The following TBC1D16 variants were observed in gnomAD, a reference collection of about 807,000 sequenced individuals.
TBC1D16 encodes the protein CTD-2529O21.1.
In TBC1D16, 58 loss-of-function variants were observed where a neutral mutation model predicts 74.7. The ratio of observed to expected loss-of-function variants is 0.78; its 90% CI spans 0.63 to 0.97. The LOEUF (loss-of-function observed/expected upper bound fraction) is 0.97. Among genes scored for constraint, TBC1D16 ranks in the 50% least tolerant of loss-of-function variants. The pLI, the probability that TBC1D16 is intolerant of heterozygous loss-of-function variation, is 0.00. For missense variants in TBC1D16, 1,014 were observed against 1,079.5 expected, an observed-to-expected ratio of 0.94 and a Z score of 0.85; for synonymous variants, 493 against 474.7, an observed-to-expected ratio of 1.04 and a Z score of -0.50.
intron 1 of TBC1D16, among the ~76,000 whole-genome samples, chr17:80,018,228 T>G (rs1386243966): frequency 7.3e-6 from 1 of 137,586 alleles, no homozygotes; most frequent in Non-Finnish European, 1.5e-5. Flanking sequence ...TAGCATAATA[T>G]ATCCAAAATA....
At position 79,997,351 on chromosome 17, in the gene TBC1D16, C is replaced by CT. The variant is rs371287804; in HGVS notation, c.779+12808dup. 5.8e-3 allele frequency among the ~76,000 whole-genome samples: 835 copies of CT among 142,984 alleles called. 3 individuals carry two copies. Among genetic ancestry groups the CT allele is most frequent in the African/African-American group, 9.4e-3 (371 of 39,264 alleles). The allele number at this position is 142,984 out of a possible 152,430, so 93.8% of individuals were successfully genotyped here. On this transcript the variant is annotated intron_variant, in intron 3 of 11. Coordinates refer to ENST00000310924, the MANE Select transcript of TBC1D16 (RefSeq NM_019020.4). ...GAAGGGTGTATAGGGCCTCCCGGTA[C>CT]TTTTTTTTTTTTTGCAACTTCCTGT...
At chr17:79,952,583 G>A in intron 4 of TBC1D16, 74 bp downstream of exon 4, 5 of 1,522,556 alleles carry the variant, frequency 3.3e-6, no homozygotes, top group African/African-American at 1.4e-5. Context: ...GCACTGCACC[G>A]GCTGCAAAGC....
At chr17:79,960,532 G>C (rs1197965568) in intron 3 of TBC1D16, among the ~76,000 whole-genome samples, 1 of 151,940 alleles carries the variant, frequency 6.6e-6, no homozygotes, top group East Asian at 1.9e-4. Context: ...GAGGCGGGTG[G>C]GTCACCTGAG....
rs2034102229 is a variant in TBC1D16 at position 79,971,481 on chromosome 17, C to T, written c.780-18663G>A. Among the ~76,000 whole-genome samples, 2 of 152,308 alleles carry T rather than the reference C, an allele frequency of 1.3e-5. No homozygotes were observed. The highest frequency in any genetic ancestry group is 4.1e-4 in the South Asian group (2 of 4,820). On this transcript the variant is annotated intron_variant, in intron 3 of 11. Transcript: ENST00000310924. The surrounding 1 kb of genome is among the most constrained non-coding windows in gnomAD (Gnocchi z 4.6). ...TGGAAGCCCTGTCCCCCAGGTCATC[C>T]TGGTCAGCAGTTGAGTGACTCTTCT...
rs559371942 is a variant in TBC1D16 at position 79,987,327 on chromosome 17, G to A, written c.779+22833C>T. On this transcript the variant is annotated intron_variant, in intron 3 of 11. Transcript: ENST00000310924. The surrounding 1 kb of genome is among the most constrained non-coding windows in gnomAD (Gnocchi z 5.2). Reference sequence around the variant, plus strand: ...GACATCACAGCTCACTGCAACCTCCGCTTCCACCTCTTGGGCTCAAGCGAT... The same window carrying A: ...GACATCACAGCTCACTGCAACCTCCACTTCCACCTCTTGGGCTCAAGCGAT... Among the ~76,000 whole-genome samples the A allele has an allele frequency of 2.6e-5, 4 of 151,982 alleles. No homozygotes were observed. The highest frequency in any genetic ancestry group is 6.5e-5 in the Admixed American group (1 of 15,270).
chr17:79,975,181 G>A lies in TBC1D16; in HGVS notation c.780-22363C>T, dbSNP rs946712734. 2.0e-5 allele frequency among the ~76,000 whole-genome samples: 3 copies of A among 152,230 alleles called. No individual in the cohort carries two copies. The highest frequency in any genetic ancestry group is 4.4e-5 in the Non-Finnish European group (3 of 68,042). The stretch of plus-strand genomic sequence containing the variant: ...AGGGCTTTGGATTTTTGGACAGCGA[G>A]TTCTGTTTCATTTTGTTTTGTTTTT... On this transcript the variant is annotated intron_variant, in intron 3 of 11. Coordinates refer to ENST00000310924, the MANE Select transcript of TBC1D16 (RefSeq NM_019020.4). This position sits in a 1 kb window ranked among gnomAD's most constrained non-coding sequence, Gnocchi z 4.5.
chr17:79,932,748 T>G lies in TBC1D16; in HGVS notation c.*8111A>C, dbSNP rs944077021. ...GTGACTTGCATGTGCCCCTCTTTGT[T>G]GAGGGGGTTTTGAAGCAGCTTCTGC... On this transcript the variant is annotated 3_prime_UTR_variant, in exon 12 of 12. Coordinates refer to ENST00000310924, the MANE Select transcript of TBC1D16 (RefSeq NM_019020.4). 3.9e-5 allele frequency: 6 copies of G among 152,216 alleles called. No individual in the cohort carries two copies. Among genetic ancestry groups the G allele is most frequent in the African/African-American group, 9.6e-5 (4 of 41,460 alleles). 9.4% of individuals were successfully genotyped at this position (152,216 alleles called of 1,614,324 possible).
rs1466706759 is a variant in TBC1D16 at position 79,985,408 on chromosome 17, C to T, written c.779+24752G>A. Among the ~76,000 whole-genome samples the T allele has an allele frequency of 2.6e-5, 4 of 152,226 alleles. No homozygotes were observed. Among genetic ancestry groups the T allele is most frequent in the East Asian group, 1.9e-4 (1 of 5,204 alleles). ...GGGAAGGGAGTCACTATCCAGGCCACGGCAGACACAGTTCCCCGAAACTGA... is the reference window on the plus strand; with the variant it reads ...GGGAAGGGAGTCACTATCCAGGCCATGGCAGACACAGTTCCCCGAAACTGA... On this transcript the variant is annotated intron_variant, in intron 3 of 11. Coordinates refer to ENST00000310924, the MANE Select transcript of TBC1D16 (RefSeq NM_019020.4). The surrounding 1 kb of genome is among the most constrained non-coding windows in gnomAD (Gnocchi z 4.9).
rs949338104 is a variant in TBC1D16 at position 79,981,322 on chromosome 17, T to C, written c.780-28504A>G. On this transcript the variant is annotated intron_variant, in intron 3 of 11. Transcript: ENST00000310924. The surrounding 1 kb of genome is among the most constrained non-coding windows in gnomAD (Gnocchi z 6.9). ...CCGACAGAAAATTCTTAGAGCAAAA[T>C]GGCTGTTCACCAGCGGCGGGTATGT... Among the ~76,000 whole-genome samples, 1 of 152,130 alleles carries C rather than the reference T, an allele frequency of 6.6e-6. No homozygotes were observed. The highest frequency in any genetic ancestry group is 1.9e-4 in the East Asian group (1 of 5,178).
chr17:80,022,705 T>G (rs2036327551), intron 1 of TBC1D16, among the ~76,000 whole-genome samples: 1 of 148,804 alleles, frequency 6.7e-6, no homozygotes, highest in African/African-American at 2.6e-5. Flanking sequence ...GGCACAATCT[T>G]GGCTCACTGC....
At position 79,938,536 on chromosome 17, in the gene TBC1D16, C is replaced by T. The variant is rs1357348141; in HGVS notation, c.*2323G>A. The T allele has an allele frequency of 6.6e-6, 1 of 152,274 alleles. No homozygotes were observed. Among genetic ancestry groups the T allele is most frequent in the Non-Finnish European group, 1.5e-5 (1 of 68,108 alleles). The allele number at this position is 152,274 out of a possible 1,614,324, so 9.4% of individuals were successfully genotyped here. ...TCCCAAACACAGCGGTTCAAAGGCA[C>T]GAGGTATCTAGTGAAATGCTAGGAC... On this transcript the variant is annotated 3_prime_UTR_variant, in exon 12 of 12. Coordinates refer to ENST00000310924, the MANE Select transcript of TBC1D16 (RefSeq NM_019020.4).
chr17:79,941,917 GC>G lies in TBC1D16; in HGVS notation c.2055+142del, dbSNP rs999447223. ...CCCCCAGTGCTATGGGTGGGGGAGGGCACGTGCTGGGGGGCCATGGTGGGGA... is the reference window on the plus strand; with the variant it reads ...CCCCCAGTGCTATGGGTGGGGGAGGGACGTGCTGGGGGGCCATGGTGGGGA... On this transcript the variant is annotated intron_variant, in intron 11 of 11. Coordinates refer to ENST00000310924, the MANE Select transcript of TBC1D16 (RefSeq NM_019020.4). This position sits in a 1 kb window ranked among gnomAD's most constrained non-coding sequence, Gnocchi z 4.3. 51 of 714,350 alleles carry G rather than the reference GC, an allele frequency of 7.1e-5. No homozygotes were observed. The highest frequency in any genetic ancestry group is 1.1e-4 in the Non-Finnish European group (47 of 429,232). The allele number at this position is 714,350 out of a possible 1,614,324, so 44.3% of individuals were successfully genotyped here. A position where few individuals can be genotyped will look rare whatever the true frequency, so the allele number is the denominator to read the frequency against.
rs978026012 is a variant in TBC1D16, at chr17:79,950,063, G to GC, written c.1258-199dup. Among the ~76,000 whole-genome samples, 6 of 152,152 alleles carry GC rather than the reference G, an allele frequency of 3.9e-5. No homozygotes were observed. Among genetic ancestry groups the GC allele is most frequent in the South Asian group, 2.1e-4 (1 of 4,822 alleles). On this transcript the variant is annotated intron_variant, in intron 6 of 11. Coordinates refer to ENST00000310924, the MANE Select transcript of TBC1D16 (RefSeq NM_019020.4). The surrounding 1 kb of genome is among the most constrained non-coding windows in gnomAD (Gnocchi z 4.6). Reference sequence around the variant, plus strand: ...AAACCCGGCTCATTTCAATGTCAATGCCCCCCCTGGGGTGGCGCTCAGATT... The same window carrying GC: ...AAACCCGGCTCATTTCAATGTCAATGCCCCCCCCTGGGGTGGCGCTCAGATT...
At position 79,961,913 on chromosome 17, in the gene TBC1D16, C is replaced by A. The variant is rs2033631636; in HGVS notation, c.780-9095G>T. Among the ~76,000 whole-genome samples the A allele has an allele frequency of 6.6e-6, 1 of 151,946 alleles. No homozygotes were observed. Among genetic ancestry groups the A allele is most frequent in the African/African-American group, 2.4e-5 (1 of 41,410 alleles). On this transcript the variant is annotated intron_variant, in intron 3 of 11. Transcript: ENST00000310924. The surrounding 1 kb of genome is among the most constrained non-coding windows in gnomAD (Gnocchi z 4.8). Reference sequence around the variant, plus strand: ...AAATAAAATAGATAAGAACTGAAAACAACCCAGGGTTTATCAACAGCCAAT... The same window carrying A: ...AAATAAAATAGATAAGAACTGAAAAAAACCCAGGGTTTATCAACAGCCAAT...
chr17:79,945,893 C>T (rs1359789348), intron 9 of TBC1D16, among the ~76,000 whole-genome samples: 1 of 152,368 alleles, frequency 6.6e-6, no homozygotes, highest in African/African-American at 2.4e-5. Context: ...CTCGGGGCCA[C>T]ATGCCCCCTT....
At position 79,936,925 on chromosome 17, in the gene TBC1D16, T is replaced by TGTGTGTGC. The variant is rs2031651012; in HGVS notation, c.*3933_*3934insGCACACAC. 6.5e-6 allele frequency: 1 copy of TGTGTGTGC among 152,674 alleles called. No homozygotes were observed. The highest frequency in any genetic ancestry group is 2.4e-5 in the African/African-American group (1 of 41,100). 9.5% of individuals were successfully genotyped at this position (152,674 alleles called of 1,614,324 possible). A position where few individuals can be genotyped will look rare whatever the true frequency, so the allele number is the denominator to read the frequency against. ...GTGCATGTGCGTGTGTGTGTGTGTG[T>TGTGTGTGC]GTGTGTGTGTGTGTGCGCATTTTCC... On this transcript the variant is annotated 3_prime_UTR_variant, in exon 12 of 12. Transcript: ENST00000310924.
At chr17:79,996,450 C>G (rs1241947883) in intron 3 of TBC1D16, among the ~76,000 whole-genome samples, 2 of 152,138 alleles carry the variant, frequency 1.3e-5, no homozygotes, top group African/African-American at 4.8e-5. Flanking sequence ...ACACACCCAT[C>G]AGGATGCTTA....
chr17:79,953,159 G>A (rs534647842), intron 3 of TBC1D16, among the ~76,000 whole-genome samples: 37 of 152,244 alleles, frequency 2.4e-4, no homozygotes, highest in African/African-American at 7.5e-4. Flanking sequence ...CTCAGCCTTC[G>A]TTTTCCCATG....
intron 3 of TBC1D16, among the ~76,000 whole-genome samples, chr17:79,970,486 A>G: frequency 6.6e-6 from 1 of 152,222 alleles, no homozygotes. Flanking sequence ...TACATCTCCC[A>G]CCAAAGGGTC....
Sources: gnomAD v4.1 joint callset for allele counts (sites outside exome capture counted in the v4.1 genomes callset) on GRCh38, gnomAD v4.1.1 for gene constraint, Gnocchi (gnomAD v3.1) non-coding constraint, MANE v1.5 for transcripts, NCBI Gene and HGNC (gene_info 2026-07-23, HGNC 2026-07-21) for gene names.